The following TFPI variants were observed in gnomAD, a reference collection of about 807,000 sequenced individuals.
The protein encoded by TFPI is anti-convertin.
In TFPI, 15 loss-of-function variants were observed where a neutral mutation model predicts 34.6. The ratio of observed to expected loss-of-function variants is 0.43; its 90% CI spans 0.29 to 0.67. TFPI has a LOEUF of 0.67. Among genes scored for constraint, TFPI ranks in the 30% least tolerant of loss-of-function variants. The probability of loss-of-function intolerance (pLI) is 0.15; values close to 1 mark genes in which losing one functional copy is unlikely to be tolerated. For synonymous variants in TFPI, 105 were observed against 120.1 expected (o/e 0.87, Z 0.82); for missense variants, 301 against 364.0 (o/e 0.83, Z 1.41).
At chr2:187,510,856 TG>T (rs1686577400) in intron 1 of TFPI, among the ~76,000 whole-genome samples, 1 of 152,204 alleles carries the variant, frequency 6.6e-6, no homozygotes, top group Non-Finnish European at 1.5e-5. Flanking sequence ...GCTCGGCTTT[TG>T]AGATGCAAGT....
chr2:187,546,027 TA>T (rs2106322004), intron 1 of TFPI, among the ~76,000 whole-genome samples: 1 of 152,178 alleles, frequency 6.6e-6, no homozygotes, highest in African/African-American at 2.4e-5. Context: ...TGTAAACATG[TA>T]AACACATTTC....
At chr2:187,538,073 A>G (rs1688363606) in intron 1 of TFPI, among the ~76,000 whole-genome samples, 1 of 152,260 alleles carries the variant, frequency 6.6e-6, no homozygotes, top group Admixed American at 6.5e-5. Context: ...ATCATTAAAA[A>G]GCCAAGAAAC....
At chr2:187,535,627 A>G (rs992725022) in intron 1 of TFPI, among the ~76,000 whole-genome samples, 1 of 152,238 alleles carries the variant, frequency 6.6e-6, no homozygotes, top group Non-Finnish European at 1.5e-5. Context: ...CGACAGGAGA[A>G]AGTGGGAAAG....
chr2:187,539,812 T>C (rs1390007227), intron 1 of TFPI, among the ~76,000 whole-genome samples: 3 of 152,162 alleles, frequency 2.0e-5, no homozygotes, highest in Non-Finnish European at 2.9e-5. Flanking sequence ...ATCCTCAAAC[T>C]GAATAAACAT....
intron 1 of TFPI, among the ~76,000 whole-genome samples, chr2:187,553,603 A>T (rs1021732642): frequency 6.6e-6 from 1 of 152,186 alleles, no homozygotes; most frequent in Non-Finnish European, 1.5e-5. Context: ...CACAACATAG[A>T]CTTGATCGTA....
At chr2:187,482,330 G>T (rs8176616) in intron 6 of TFPI, among the ~76,000 whole-genome samples, 6,092 of 152,022 alleles carry the variant, frequency 0.04, 180 homozygotes, top group South Asian at 0.12. Context: ...AAGATTTAAC[G>T]TGCTTTTGAA....
Position 187,466,832 on chromosome 2 carries a change from T to C in TFPI, c.*104A>G. On this transcript the variant is annotated 3_prime_UTR_variant, in exon 8 of 8. Coordinates refer to ENST00000233156, the MANE Select transcript of TFPI (RefSeq NM_006287.6). ...AGTACAATAAGCATAGAAAATTTAATGAACATATTAATTAAAAGCATTTTA... is the reference window on the plus strand; with the variant it reads ...AGTACAATAAGCATAGAAAATTTAACGAACATATTAATTAAAAGCATTTTA... 3 of 630,260 alleles carry C rather than the reference T, an allele frequency of 4.8e-6. No homozygotes were observed. The highest frequency in any genetic ancestry group is 3.7e-5 in the Admixed American group (1 of 27,042). 39.0% of individuals were successfully genotyped at this position (630,260 alleles called of 1,614,324 possible). A position where few individuals can be genotyped will look rare whatever the true frequency, so the allele number is the denominator to read the frequency against.
chr2:187,465,614 G>A lies in TFPI; in HGVS notation c.*1322C>T. The A allele has an allele frequency of 6.7e-6, 1 of 149,410 alleles. No homozygotes were observed. Among genetic ancestry groups the A allele is most frequent in the Non-Finnish European group, 1.5e-5 (1 of 67,566 alleles). 9.3% of individuals were successfully genotyped at this position (149,410 alleles called of 1,614,324 possible). A position where few individuals can be genotyped will look rare whatever the true frequency, so the allele number is the denominator to read the frequency against. ...AAAGATTTGGAGACTGTTTAGATGT[G>A]GTATATGAGGGAAAACAGGAAATCT... is the stretch of plus-strand genomic sequence containing the variant. On this transcript the variant is annotated 3_prime_UTR_variant, in exon 8 of 8. Transcript: ENST00000233156.
chr2:187,511,515 A>G (rs12622831), intron 1 of TFPI, among the ~76,000 whole-genome samples: 7,158 of 152,214 alleles, frequency 0.047, 209 homozygotes, highest in Middle Eastern at 0.11. Context: ...AGCCCACCCC[A>G]CCAGGAACTA....
intron 1 of TFPI, among the ~76,000 whole-genome samples, chr2:187,520,297 G>A (rs527898597): frequency 2.6e-5 from 4 of 152,188 alleles, no homozygotes; most frequent in East Asian, 1.9e-4. Flanking sequence ...GGAAATCTCC[G>A]GGTCTGTGGG....
At chr2:187,490,608 T>C (rs1219631918) in intron 3 of TFPI, among the ~76,000 whole-genome samples, 1 of 151,678 alleles carries the variant, frequency 6.6e-6, no homozygotes, top group Admixed American at 6.6e-5. Flanking sequence ...GTCCTTATTT[T>C]TAAAGGGCCT....
intron 7 of TFPI, 136 bp from the exon 8 acceptor site, chr2:187,467,178 T>C: frequency 1.8e-6 from 1 of 570,010 alleles, no homozygotes; most frequent in South Asian, 2.2e-5. Context: ...AATTTGTCCA[T>C]GTATTCGTGT....
At chr2:187,474,323 CA>C (rs1321563845) in intron 6 of TFPI, among the ~76,000 whole-genome samples, 1 of 151,984 alleles carries the variant, frequency 6.6e-6, no homozygotes, top group African/African-American at 2.4e-5. Context: ...AGTGAAAACA[CA>C]AAGGTCAGAA....
intron 6 of TFPI, among the ~76,000 whole-genome samples, chr2:187,469,905 C>A (rs987344706): frequency 2.0e-5 from 3 of 152,026 alleles, no homozygotes; most frequent in Admixed American, 2.0e-4. Flanking sequence ...ACACACTTTT[C>A]CAATGTGTGG....
chr2:187,473,055 A>C (rs1692151395), intron 6 of TFPI, among the ~76,000 whole-genome samples: 1 of 152,140 alleles, frequency 6.6e-6, no homozygotes, highest in Admixed American at 6.6e-5. Context: ...GTTATACACT[A>C]TCAGTTATAA....
At chr2:187,499,068 A>G (rs1209500558) in intron 2 of TFPI, among the ~76,000 whole-genome samples, 1 of 152,006 alleles carries the variant, frequency 6.6e-6, no homozygotes, top group Non-Finnish European at 1.5e-5. Context: ...AAATAATTGT[A>G]TCAAAGTGAG....
At chr2:187,536,892 G>A (rs1393114722) in intron 1 of TFPI, among the ~76,000 whole-genome samples, 1 of 152,120 alleles carries the variant, frequency 6.6e-6, no homozygotes, top group East Asian at 1.9e-4. Context: ...CAAAGTCTCA[G>A]GATACAAAAT....
At chr2:187,505,733 T>C (rs1686166567) in intron 1 of TFPI, among the ~76,000 whole-genome samples, 1 of 152,096 alleles carries the variant, frequency 6.6e-6, no homozygotes, top group African/African-American at 2.4e-5. Flanking sequence ...ACCAATCCAT[T>C]TGAGTTGGGA....
At chr2:187,471,116 G>C (rs1484362140) in intron 6 of TFPI, among the ~76,000 whole-genome samples, 1 of 152,178 alleles carries the variant, frequency 6.6e-6, no homozygotes, top group Non-Finnish European at 1.5e-5. Flanking sequence ...GGTTTTTAAA[G>C]ATGCAATAAA....
Sources: gnomAD v4.1 joint callset for allele counts (sites outside exome capture counted in the v4.1 genomes callset) on GRCh38, gnomAD v4.1.1 for gene constraint, MANE v1.5 for transcripts, NCBI Gene and HGNC (gene_info 2026-07-23, HGNC 2026-07-21) for gene names.